The following PRDM16 variants were observed in gnomAD, a reference collection of about 807,000 sequenced individuals.
The protein encoded by PRDM16 is histone-lysine N-methyltransferase PRDM16.
In PRDM16, 23 loss-of-function variants were observed where a neutral mutation model predicts 110.6. The ratio of observed to expected loss-of-function variants is 0.21; its 90% CI spans 0.15 to 0.29. The LOEUF (loss-of-function observed/expected upper bound fraction) is 0.29. PRDM16 is among the 10% of genes least tolerant of loss of function. The pLI is 1.00. For missense variants in PRDM16, 1,615 were observed against 1,794.3 expected (o/e 0.90, Z 1.81); for synonymous variants, 799 against 781.8 (o/e 1.02, Z -0.37).
intron 3 of PRDM16, among the ~76,000 whole-genome samples, chr1:3,276,749 T>C (rs1640594703): frequency 7.9e-5 from 1 of 12,694 alleles, no homozygotes; most frequent in African/African-American, 4.9e-4. Flanking sequence ...GTTTCCCCTT[T>C]CTCCCTGGAG....
chr1:3,171,703 A>G (rs926217428), intron 1 of PRDM16, among the ~76,000 whole-genome samples: 1 of 152,106 alleles, frequency 6.6e-6, no homozygotes, highest in African/African-American at 2.4e-5. Flanking sequence ...GGTTGGCTCC[A>G]TGGAACCTTT....
chr1:3,341,888 T>G (rs1642280467), intron 3 of PRDM16, among the ~76,000 whole-genome samples: 1 of 152,246 alleles, frequency 6.6e-6, no homozygotes, highest in African/African-American at 2.4e-5. Context: ...CGGGCTGTCT[T>G]CTTCGGGTAG....
At chr1:3,138,700 G>C (rs1643486794) in intron 1 of PRDM16, among the ~76,000 whole-genome samples, 1 of 152,238 alleles carries the variant, frequency 6.6e-6, no homozygotes, top group Non-Finnish European at 1.5e-5. Context: ...GTTCCAGAAA[G>C]TTCCAGAAGG....
chr1:3,249,041 G>C (rs894969654), intron 3 of PRDM16, among the ~76,000 whole-genome samples: 1 of 152,224 alleles, frequency 6.6e-6, no homozygotes, highest in Admixed American at 6.5e-5. Context: ...CTGGGACCTC[G>C]CTGGGACTCC....
chr1:3,244,232 C>T lies in PRDM16; in HGVS notation c.438+95C>T, dbSNP rs930922579. 11 of 1,161,208 alleles carry T rather than the reference C, an allele frequency of 9.5e-6. No homozygotes were observed. In the Admixed American group the frequency reaches 1.1e-4, roughly 11 times the overall value. The allele number at this position is 1,161,208 out of a possible 1,614,324, so 71.9% of individuals were successfully genotyped here. ...TCCCAGCTGTCCCTGAGCTAACAAG[C>T]GTGTAGTCGGAATGTTGCTGGCAGG... On this transcript the variant is annotated intron_variant, in intron 3 of 16. Transcript: ENST00000270722. This position sits in a 1 kb window ranked among gnomAD's most constrained non-coding sequence, Gnocchi z 4.1.
intron 14 of PRDM16, among the ~76,000 whole-genome samples, chr1:3,426,631 T>C (rs967427465): frequency 9.9e-5 from 15 of 152,176 alleles, no homozygotes; most frequent in African/African-American, 2.9e-4. Context: ...CACATACACA[T>C]GTGTACACAT....
At chr1:3,247,953 A>G (rs1193031019) in intron 3 of PRDM16, among the ~76,000 whole-genome samples, 1 of 152,190 alleles carries the variant, frequency 6.6e-6, no homozygotes, top group Non-Finnish European at 1.5e-5. Context: ...TCTGCGGGAG[A>G]TAATCTAGCG....
intron 1 of PRDM16, among the ~76,000 whole-genome samples, chr1:3,147,093 GTGGGGTGTGTGTACGCGTGTGCTCGGTA>G (rs1379269624): frequency 5.4e-5 from 8 of 149,422 alleles, no homozygotes; most frequent in African/African-American, 2.0e-4. Context: ...TGCGCTCGGT[GTGGGGTGTGTGTACGCGTGTGCTCGGTA>G]TGGAGTGTGT....
chr1:3,214,552 C>G (rs1283947858), intron 2 of PRDM16, among the ~76,000 whole-genome samples: 1 of 152,176 alleles, frequency 6.6e-6, no homozygotes, highest in Non-Finnish European at 1.5e-5. Context: ...CAAAAACTAG[C>G]TGGGTGTGGT....
Position 3,339,492 on chromosome 1 carries a change from G to A in PRDM16, c.439-45660G>A, listed in dbSNP as rs1261525573. Among the ~76,000 whole-genome samples the A allele has an allele frequency of 6.6e-6, 1 of 152,152 alleles. No homozygotes were observed. The highest frequency in any genetic ancestry group is 1.5e-5 in the Non-Finnish European group (1 of 68,010). The stretch of plus-strand genomic sequence containing the variant: ...AATCCACAGGGGCTTCCTGGAGGAA[G>A]TGCTACTTAGGCTGGGATTTCAAGA... On this transcript the variant is annotated intron_variant, in intron 3 of 16. Coordinates refer to ENST00000270722, the MANE Select transcript of PRDM16 (RefSeq NM_022114.4). The surrounding 1 kb of genome is among the most constrained non-coding windows in gnomAD (Gnocchi z 5.0).
intron 3 of PRDM16, among the ~76,000 whole-genome samples, chr1:3,376,445 C>T (rs970552754): frequency 7.2e-5 from 11 of 152,190 alleles, no homozygotes; most frequent in African/African-American, 2.4e-4. Context: ...GAATTCTGGG[C>T]CATGCTCTTG....
chr1:3,230,473 C>G (rs1052424478), intron 2 of PRDM16, among the ~76,000 whole-genome samples: 5 of 152,242 alleles, frequency 3.3e-5, no homozygotes, highest in African/African-American at 7.2e-5. Context: ...GGTTGAATAT[C>G]CAGGGAAGTT....
intron 3 of PRDM16, among the ~76,000 whole-genome samples, chr1:3,322,459 G>A (rs1179594254): frequency 1.3e-5 from 2 of 152,150 alleles, no homozygotes; most frequent in African/African-American, 4.8e-5. Context: ...TGGGCCTCGG[G>A]AATGAACCAG....
chr1:3,427,287 G>A (rs922624351), intron 14 of PRDM16, among the ~76,000 whole-genome samples: 1 of 152,212 alleles, frequency 6.6e-6, no homozygotes, highest in African/African-American at 2.4e-5. Context: ...GCAGAGAACC[G>A]AAGGTGTTCC....
At chr1:3,197,279 C>T (rs1043080273) in intron 2 of PRDM16, among the ~76,000 whole-genome samples, 1 of 152,198 alleles carries the variant, frequency 6.6e-6, no homozygotes, top group African/African-American at 2.4e-5. Context: ...CCCAGGCGGG[C>T]CCTTTCTGCC....
intron 3 of PRDM16, among the ~76,000 whole-genome samples, chr1:3,286,674 C>T (rs775780347): frequency 6.6e-5 from 10 of 152,140 alleles, no homozygotes; most frequent in Non-Finnish European, 1.5e-4. Flanking sequence ...CAAGTTCCTC[C>T]CACACCAACT....
intron 1 of PRDM16, among the ~76,000 whole-genome samples, chr1:3,116,343 A>G (rs1642959097): frequency 6.6e-6 from 1 of 152,124 alleles, no homozygotes; most frequent in African/African-American, 2.4e-5. Flanking sequence ...CCACAGTGTG[A>G]GAACCGAGAG....
At chr1:3,166,868 A>T (rs1643963049) in intron 1 of PRDM16, among the ~76,000 whole-genome samples, 1 of 152,176 alleles carries the variant, frequency 6.6e-6, no homozygotes, top group Non-Finnish European at 1.5e-5. Flanking sequence ...ACCCTGGTTC[A>T]ATTGCTCTGT....
chr1:3,181,507 CACACGCAGTCTTACACAAGCGGTCTT>C lies in PRDM16; in HGVS notation c.38-4613_38-4588del, dbSNP rs1210425891. 3.3e-4 allele frequency among the ~76,000 whole-genome samples: 34 copies of C among 104,156 alleles called. 2 individuals are homozygous for C. Among genetic ancestry groups the C allele is most frequent in the African/African-American group, 4.9e-4 (13 of 26,272 alleles). 68.3% of individuals were successfully genotyped at this position (104,156 alleles called of 152,430 possible). On this transcript the variant is annotated intron_variant, in intron 1 of 16. Coordinates refer to ENST00000270722, the MANE Select transcript of PRDM16 (RefSeq NM_022114.4). Reference sequence around the variant, plus strand: ...ACACACAGCCTTACGCATGGTCTTACACACGCAGTCTTACACAAGCGGTCTTACACACGGTCTTACACACGCAGTCT... The same window carrying C: ...ACACACAGCCTTACGCATGGTCTTACACACACGGTCTTACACACGCAGTCT...
Sources: allele counts gnomAD v4.1 joint callset (sites outside exome capture counted in the v4.1 genomes callset), GRCh38; gene constraint gnomAD v4.1.1; non-coding constraint Gnocchi (gnomAD v3.1); transcripts MANE v1.5; gene names NCBI Gene and HGNC (gene_info 2026-07-23, HGNC 2026-07-21).